ATL3: variants seen among roughly 807,000 people sequenced by gnomAD.
ATL3 encodes atlastin-3.
Under a neutral mutation model 69.5 loss-of-function variants are expected in ATL3, and 49 were observed. The observed-to-expected ratio is 0.71, with a 90% CI of 0.56 to 0.89. The LOEUF is 0.89. Among genes scored for constraint, ATL3 ranks in the 40% least tolerant of loss-of-function variants. The pLI, the probability that ATL3 is intolerant of heterozygous loss-of-function variation, is 0.00. For synonymous variants in ATL3, 214 were observed against 224.1 expected (o/e 0.95, Z 0.40); for missense variants, 606 against 645.7 (o/e 0.94, Z 0.67).
chr11:63,669,400 T>C (rs933369762), intron 1 of ATL3, among the ~76,000 whole-genome samples: 2 of 150,378 alleles, frequency 1.3e-5, no homozygotes. Context: ...CCAGGCGCGG[T>C]GGAGGGCGCC....
At chr11:63,651,405 TAA>T (rs879686827) in intron 5 of ATL3, among the ~76,000 whole-genome samples, 8 of 136,956 alleles carry the variant, frequency 5.8e-5, no homozygotes, top group Non-Finnish European at 6.4e-5. Flanking sequence ...GACTTCGTCT[TAA>T]AAAAAAAAAA....
chr11:63,646,080 T>C (rs1037271489), intron 6 of ATL3, among the ~76,000 whole-genome samples: 2 of 151,622 alleles, frequency 1.3e-5, no homozygotes, highest in African/African-American at 4.9e-5. Flanking sequence ...TTTTAAGAGA[T>C]GTCTTGCTAT....
intron 10 of ATL3, among the ~76,000 whole-genome samples, chr11:63,635,056 G>C (rs1045607603): frequency 6.6e-6 from 1 of 152,062 alleles, no homozygotes; most frequent in African/African-American, 2.4e-5. Flanking sequence ...CAGCTACTCG[G>C]GAGGCTGAGG....
chr11:63,656,412 A>G (rs185190018), intron 3 of ATL3, among the ~76,000 whole-genome samples: 1 of 152,196 alleles, frequency 6.6e-6, no homozygotes, highest in African/African-American at 2.4e-5. Flanking sequence ...GAACAAAAAT[A>G]AGAATAACAG....
At chr11:63,641,206 T>G (rs1490967009) in intron 8 of ATL3, among the ~76,000 whole-genome samples, 2 of 152,202 alleles carry the variant, frequency 1.3e-5, no homozygotes, top group Non-Finnish European at 2.9e-5. Context: ...GGAAACCAAA[T>G]AGTACATAAT....
At chr11:63,664,628 G>GTT (rs917256853) in intron 1 of ATL3, among the ~76,000 whole-genome samples, 5 of 141,000 alleles carry the variant, frequency 3.5e-5, no homozygotes, top group Non-Finnish European at 3.1e-5. Flanking sequence ...TTGTTTTTTT[G>GTT]TTTTTTTTTT....
intron 10 of ATL3, among the ~76,000 whole-genome samples, chr11:63,635,206 C>A (rs1221555703): frequency 6.6e-6 from 1 of 151,718 alleles, no homozygotes; most frequent in Non-Finnish European, 1.5e-5. Flanking sequence ...AAAAAATAAA[C>A]AACAGATGAC....
rs1326513020 is a variant in ATL3 at position 63,627,826 on chromosome 11, TAAGGCAAAG to T, written c.*1484_*1492del. The T allele has an allele frequency of 6.6e-6, 1 of 152,234 alleles. No individual in the cohort carries two copies. The highest frequency in any genetic ancestry group is 6.5e-5 in the Admixed American group (1 of 15,288). The allele number at this position is 152,234 out of a possible 1,614,324, so 9.4% of individuals were successfully genotyped here. A position where few individuals can be genotyped will look rare whatever the true frequency, so the allele number is the denominator to read the frequency against. ...ATTTGGGTAGGACTTTGATCCTTGC[TAAGGCAAAG>T]CTATCTTAAAGCTACCAGACTAGCC... On this transcript the variant is annotated 3_prime_UTR_variant, in exon 13 of 13. Coordinates refer to ENST00000398868, the MANE Select transcript of ATL3 (RefSeq NM_015459.5).
chr11:63,649,447 A>G (rs764981086), intron 5 of ATL3, among the ~76,000 whole-genome samples: 17 of 151,244 alleles, frequency 1.1e-4, no homozygotes, highest in Non-Finnish European at 2.4e-4. Flanking sequence ...CCCAGCTGTG[A>G]TTTCTTTTTT....
chr11:63,632,458 A>C, intron 11 of ATL3: 1 of 835,472 alleles, frequency 1.2e-6, no homozygotes, highest in Non-Finnish European at 2.1e-6. Flanking sequence ...TCCAACATCA[A>C]ATATTTGTAA....
intron 7 of ATL3, 113 bp downstream of exon 7, chr11:63,644,052 ATAGT>A (rs1230046165): frequency 4.5e-5 from 30 of 668,720 alleles, no homozygotes; most frequent in Admixed American, 1.1e-4. Flanking sequence ...AGATTCATAT[ATAGT>A]TAATGTATTC....
At chr11:63,655,088 T>C (rs946954708) in intron 3 of ATL3, among the ~76,000 whole-genome samples, 2 of 152,196 alleles carry the variant, frequency 1.3e-5, no homozygotes, top group African/African-American at 4.8e-5. Context: ...ATAAAATATC[T>C]AGCTTTATTC....
rs944107329 is a variant in ATL3 at position 63,629,513 on chromosome 11, A to C, written c.1540-108T>G. 2.0e-5 allele frequency: 19 copies of C among 936,624 alleles called. 1 individual carries two copies. The highest frequency in any genetic ancestry group is 3.0e-5 in the Non-Finnish European group (18 of 599,228). The allele number at this position is 936,624 out of a possible 1,614,324, so 58.0% of individuals were successfully genotyped here. A position where few individuals can be genotyped will look rare whatever the true frequency, so the allele number is the denominator to read the frequency against. ...CCTGTCTCCATCATCGGCATGTTAC[A>C]GAAAGCAGTTGAATGAAAATGCAGG... On this transcript the variant is annotated intron_variant, in intron 12 of 12. Coordinates refer to ENST00000398868, the MANE Select transcript of ATL3 (RefSeq NM_015459.5).
At chr11:63,650,284 T>C (rs1199601060) in intron 5 of ATL3, among the ~76,000 whole-genome samples, 1 of 152,180 alleles carries the variant, frequency 6.6e-6, no homozygotes, top group Admixed American at 6.5e-5. Context: ...GCATGTTAAA[T>C]CTTTTATATG....
rs761170270 is a variant in ATL3 at position 63,652,453 on chromosome 11, G to A, written c.510+18C>T. 4.2e-5 allele frequency: 61 copies of A among 1,458,050 alleles called. No homozygotes were observed. Among genetic ancestry groups the A allele is most frequent in the Non-Finnish European group, 4.8e-5 (52 of 1,084,184 alleles). 90.3% of individuals were successfully genotyped at this position (1,458,050 alleles called of 1,614,324 possible). Reference sequence around the variant, plus strand: ...TTATTTCCTTTGCGAGCTTTTTTCTGAGTCAAGTGGTTTTTACCTGAACAG... The same window carrying A: ...TTATTTCCTTTGCGAGCTTTTTTCTAAGTCAAGTGGTTTTTACCTGAACAG... On this transcript the variant is annotated intron_variant, in intron 4 of 12. Coordinates refer to ENST00000398868, the MANE Select transcript of ATL3 (RefSeq NM_015459.5).
At chr11:63,671,387 G>A, upstream of ATL3, 9 of 1,542,274 alleles carry the variant, frequency 5.8e-6, no homozygotes, top group Non-Finnish European at 7.8e-6. Context: ...GAGAGGGACG[G>A]GTGCGGGCGG....
Position 63,626,910 on chromosome 11 carries a change from C to T in ATL3, c.*2409G>A, listed in dbSNP as rs1939130282. 6.6e-6 allele frequency: 1 copy of T among 151,162 alleles called. No individual in the cohort carries two copies. The highest frequency in any genetic ancestry group is 6.6e-5 in the Admixed American group (1 of 15,146). 9.4% of individuals were successfully genotyped at this position (151,162 alleles called of 1,614,324 possible). On this transcript the variant is annotated 3_prime_UTR_variant, in exon 13 of 13. Transcript: ENST00000398868. ...CTCTTAAGAACCCTCACTGAGAAAA[C>T]TTTATAAAACACTTTCCAGAAGCAG...
intron 1 of ATL3, among the ~76,000 whole-genome samples, chr11:63,670,032 G>A (rs1940724350): frequency 6.6e-6 from 1 of 152,086 alleles, no homozygotes; most frequent in African/African-American, 2.4e-5. Flanking sequence ...CTTGAACCCA[G>A]GAAGCGGAGG....
At chr11:63,645,172 C>T (rs1247389271) in intron 6 of ATL3, among the ~76,000 whole-genome samples, 1 of 151,928 alleles carries the variant, frequency 6.6e-6, no homozygotes, top group African/African-American at 2.4e-5. Flanking sequence ...TCTGGGAGGC[C>T]GAAGCAGGTG....
Sources: gnomAD v4.1 joint callset for allele counts (sites outside exome capture counted in the v4.1 genomes callset) on GRCh38, gnomAD v4.1.1 for gene constraint, MANE v1.5 for transcripts, NCBI Gene and HGNC (gene_info 2026-07-23, HGNC 2026-07-21) for gene names.